ITPRID1: variants seen among roughly 807,000 people sequenced by gnomAD.
The protein encoded by ITPRID1 is ITPR interacting domain containing 1.
Under a neutral mutation model 95.4 loss-of-function variants are expected in ITPRID1, and 96 were observed. The observed-to-expected ratio is 1.01, with a 90% CI of 0.85 to 1.19. ITPRID1 has a LOEUF of 1.19. Ranked by LOEUF, ITPRID1 falls within the 50% of genes most tolerant of loss-of-function variation. The pLI, the probability that ITPRID1 is intolerant of heterozygous loss-of-function variation, is 0.00. For synonymous variants in ITPRID1, 510 were observed against 453.6 expected, an observed-to-expected ratio of 1.12 and a Z score of -1.58; for missense variants, 1,339 against 1,252.9, an observed-to-expected ratio of 1.07 and a Z score of -1.04.
At chr7:31,531,482 G>C (rs958634596) in intron 1 of ITPRID1, among the ~76,000 whole-genome samples, 1 of 152,204 alleles carries the variant, frequency 6.6e-6, no homozygotes, top group African/African-American at 2.4e-5. Context: ...TCTCTCTTGA[G>C]TGGCCATAAG....
intron 10 of ITPRID1, among the ~76,000 whole-genome samples, chr7:31,628,657 C>T (rs1365291324): frequency 6.6e-6 from 1 of 151,920 alleles, no homozygotes; most frequent in Non-Finnish European, 1.5e-5. Context: ...AGGGTTTCAC[C>T]GTGTTAGCCA....
intron 12 of ITPRID1, among the ~76,000 whole-genome samples, chr7:31,648,581 A>T (rs987121900): frequency 6.6e-6 from 1 of 152,200 alleles, no homozygotes; most frequent in Non-Finnish European, 1.5e-5. Context: ...CCCCAGTCTT[A>T]TACCTTTCAA....
At chr7:31,541,288 T>C (rs1003965707) in intron 1 of ITPRID1, among the ~76,000 whole-genome samples, 1 of 152,210 alleles carries the variant, frequency 6.6e-6, no homozygotes, top group African/African-American at 2.4e-5. Flanking sequence ...TGCATAATAT[T>C]AATGAACATT....
At chr7:31,601,056 A>T (rs1041243730) in intron 10 of ITPRID1, among the ~76,000 whole-genome samples, 1 of 152,146 alleles carries the variant, frequency 6.6e-6, no homozygotes, top group African/African-American at 2.4e-5. Flanking sequence ...AGTCGACCTT[A>T]AGAGAATGCT....
chr7:31,655,777 A>G lies in ITPRID1; in HGVS notation c.*2948A>G. On this transcript the variant is annotated 3_prime_UTR_variant, in exon 15 of 15. Transcript: ENST00000615280. ...TAAACTCCTAAGCTTTTTACTCTTT[A>G]CCCAGGTTGGGCTTTTGACCTCCCC... The G allele has an allele frequency of 1.0e-6, 1 of 985,228 alleles. No individual in the cohort carries two copies. The highest frequency in any genetic ancestry group is 1.2e-6 in the Non-Finnish European group (1 of 829,904). 61.0% of individuals were successfully genotyped at this position (985,228 alleles called of 1,614,324 possible).
chr7:31,580,783 A>G (rs1785372158), intron 9 of ITPRID1, among the ~76,000 whole-genome samples: 1 of 152,174 alleles, frequency 6.6e-6, no homozygotes, highest in Non-Finnish European at 1.5e-5. Flanking sequence ...GATGACTTTC[A>G]CAGAAAAACA....
intron 1 of ITPRID1, among the ~76,000 whole-genome samples, chr7:31,541,094 A>G (rs1417155346): frequency 6.6e-6 from 1 of 152,246 alleles, no homozygotes; most frequent in Non-Finnish European, 1.5e-5. Flanking sequence ...AATCAGGTAA[A>G]GAGAAACAAG....
intron 1 of ITPRID1, among the ~76,000 whole-genome samples, chr7:31,526,484 T>G (rs1403154916): frequency 2.6e-5 from 4 of 152,204 alleles, no homozygotes; most frequent in Non-Finnish European, 5.9e-5. Context: ...AATAATAACT[T>G]CCACCTAAAC....
intron 1 of ITPRID1, among the ~76,000 whole-genome samples, chr7:31,532,474 C>A (rs1045419008): frequency 6.6e-6 from 1 of 152,164 alleles, no homozygotes; most frequent in African/African-American, 2.4e-5. Flanking sequence ...TTAGGTATGA[C>A]ATTAGCTGTA....
chr7:31,631,095 G>A (rs12386736), intron 10 of ITPRID1, among the ~76,000 whole-genome samples: 8 of 152,142 alleles, frequency 5.3e-5, no homozygotes, highest in African/African-American at 1.9e-4. Flanking sequence ...ATCTTTTAAG[G>A]TATACCATTG....
At chr7:31,558,828 C>G (rs1784536488) in intron 5 of ITPRID1, among the ~76,000 whole-genome samples, 1 of 152,086 alleles carries the variant, frequency 6.6e-6, no homozygotes, top group Admixed American at 6.6e-5. Flanking sequence ...TTATCTCTAA[C>G]TTTTCTTTAC....
chr7:31,574,395 A>G, intron 7 of ITPRID1, 145 bp from the exon 8 acceptor site: 2 of 695,218 alleles, frequency 2.9e-6, no homozygotes, highest in Non-Finnish European at 4.9e-6. Context: ...AAGTAAGTAT[A>G]TAGGAACGCT....
At chr7:31,608,336 A>G (rs1439450704) in intron 10 of ITPRID1, among the ~76,000 whole-genome samples, 1 of 151,990 alleles carries the variant, frequency 6.6e-6, no homozygotes, top group African/African-American at 2.4e-5. Flanking sequence ...TATTTTGACT[A>G]CTTTATGTCC....
rs1348393507 is a variant in ITPRID1 at position 31,549,419 on chromosome 7, T to C, written c.-97-7T>C. 2.8e-6 allele frequency: 4 copies of C among 1,421,522 alleles called. No individual in the cohort carries two copies. The highest frequency in any genetic ancestry group is 3.7e-6 in the Non-Finnish European group (4 of 1,093,470). 88.1% of individuals were successfully genotyped at this position (1,421,522 alleles called of 1,614,324 possible). A position where few individuals can be genotyped will look rare whatever the true frequency, so the allele number is the denominator to read the frequency against. On this transcript the variant is annotated splice_polypyrimidine_tract_variant and splice_region_variant and intron_variant, in intron 1 of 14. Coordinates refer to ENST00000615280, the MANE Select transcript of ITPRID1 (RefSeq NM_001257967.3). Reference sequence around the variant, plus strand: ...GCATTGATTGGTGATTCTTCTTTACTTGACAGTTCCTGACAGGATAAGGAC... The same window carrying C: ...GCATTGATTGGTGATTCTTCTTTACCTGACAGTTCCTGACAGGATAAGGAC...
At chr7:31,552,210 T>TATTC (rs1032957268) in intron 2 of ITPRID1, among the ~76,000 whole-genome samples, 1 of 143,042 alleles carries the variant, frequency 7.0e-6, no homozygotes, top group Non-Finnish European at 1.6e-5. Flanking sequence ...GTGTGTAATA[T>TATTC]ATTCATAAAT....
intron 10 of ITPRID1, among the ~76,000 whole-genome samples, chr7:31,596,697 A>G (rs1299332337): frequency 6.6e-6 from 1 of 151,590 alleles, no homozygotes; most frequent in African/African-American, 2.4e-5. Context: ...ATGACATTTC[A>G]GATAAATTAT....
intron 1 of ITPRID1, chr7:31,518,038 A>C (rs12701106): frequency 0.18 from 27,700 of 152,364 alleles, 2,953 homozygotes; most frequent in Middle Eastern, 0.25. Context: ...AGAAAAGATT[A>C]TCCTGGGTTT....
At position 31,655,783 on chromosome 7, in the gene ITPRID1, G is replaced by C; in HGVS notation, c.*2954G>C. On this transcript the variant is annotated 3_prime_UTR_variant, in exon 15 of 15. Transcript: ENST00000615280. ...CCTAAGCTTTTTACTCTTTACCCAG[G>C]TTGGGCTTTTGACCTCCCCTTCTCC... is the stretch of plus-strand genomic sequence containing the variant. 1 of 985,598 alleles carries C rather than the reference G, an allele frequency of 1.0e-6. No individual in the cohort carries two copies. Among genetic ancestry groups the C allele is most frequent in the Non-Finnish European group, 1.2e-6 (1 of 830,002 alleles). The allele number at this position is 985,598 out of a possible 1,614,324, so 61.1% of individuals were successfully genotyped here.
chr7:31,522,174 C>T (rs1379015834), intron 1 of ITPRID1, among the ~76,000 whole-genome samples: 3 of 152,124 alleles, frequency 2.0e-5, no homozygotes, highest in African/African-American at 7.2e-5. Flanking sequence ...TCCGATGCTG[C>T]TCCCTATAGA....
Sources: gnomAD v4.1 joint callset for allele counts (sites outside exome capture counted in the v4.1 genomes callset) on GRCh38, gnomAD v4.1.1 for gene constraint, MANE v1.5 for transcripts, NCBI Gene and HGNC (gene_info 2026-07-23, HGNC 2026-07-21) for gene names.